Variants in ANO5 observed in about 807,000 individuals in gnomAD.
ANO5 encodes anoctamin-5.
Under a neutral mutation model 121.0 loss-of-function variants are expected in ANO5, and 109 were observed. That is an observed-to-expected ratio of 0.90 (90% CI 0.77 to 1.06). The LOEUF is 1.06. Ranked by LOEUF, ANO5 falls within the 50% of genes least tolerant of loss-of-function variation. ANO5 has a pLI of 0.00. For missense variants in ANO5, 1,064 were observed against 1,078.5 expected (o/e 0.99, Z 0.19); for synonymous variants, 406 against 359.9 (o/e 1.13, Z -1.45).
At chr11:22,232,676 T>C (rs1165983002) in intron 7 of ANO5, among the ~76,000 whole-genome samples, 1 of 152,036 alleles carries the variant, frequency 6.6e-6, no homozygotes, top group African/African-American at 2.4e-5. Context: ...TTGTGCCTTG[T>C]ACAAAATGTA....
In ANO5 at chr11:22,250,301, T is replaced by C. The variant is rs1276900571; in HGVS notation, c.943T>C (p.Phe315Leu). Residue 315 changes from phenylalanine (F) to leucine (L), a missense_variant, in exon 10 of 22, where the codon TTC (phenylalanine) becomes CTC (leucine). By Grantham distance (22) the Phe-to-Leu change is conservative. Coordinates refer to ENST00000324559, the MANE Select transcript of ANO5 (RefSeq NM_213599.3). ...TCTTGGATTTTACACAGAAATGCTA[T>C]TCTTTGCAGCTGTAGTTGGCTTAGC... ...VFLGFYTEML[F>L]FAAVVGLACF... 3 of 1,612,154 alleles carry C rather than the reference T, an allele frequency of 1.9e-6. No individual in the cohort carries two copies. In the African/African-American group the frequency reaches 4.0e-5, roughly 22 times the overall value.
intron 2 of ANO5, 123 bp downstream of exon 2, chr11:22,203,973 T>A: frequency 1.7e-6 from 1 of 603,416 alleles, no homozygotes; most frequent in Non-Finnish European, 2.8e-6. Flanking sequence ...AATTTATTCA[T>A]TTTTTAAGTA....
At chr11:22,270,261 C>A (rs140475600) in intron 17 of ANO5, 51 bp from the exon 18 acceptor site, 3 of 1,604,098 alleles carry the variant, frequency 1.9e-6, no homozygotes, top group South Asian at 1.1e-5. Context: ...ATTCTCTGAT[C>A]GCTTTCTTTT....
intron 17 of ANO5, among the ~76,000 whole-genome samples, chr11:22,263,386 C>T (rs1408328883): frequency 6.6e-6 from 1 of 152,084 alleles, no homozygotes; most frequent in Admixed American, 6.5e-5. Flanking sequence ...TTCACTGGGA[C>T]ATCTAAATGC....
chr11:22,257,072 GTTTTT>G (rs60615449), intron 13 of ANO5, among the ~76,000 whole-genome samples: 1,681 of 151,150 alleles, frequency 0.011, 42 homozygotes, highest in African/African-American at 0.039. Flanking sequence ...TGCTGACAGC[GTTTTT>G]TTTTTGTTTG....
rs1484420355 is a variant in ANO5, at chr11:22,228,504, TC to T, written c.648+919del. ...TTTCATTTTTTTGTGATGAGACCAT[TC>T]AAAAACCTCTCTTCTAGCTATTTTG... is the stretch of plus-strand genomic sequence containing the variant. On this transcript the variant is annotated intron_variant, in intron 7 of 21. Transcript: ENST00000324559. Among the ~76,000 whole-genome samples the T allele has an allele frequency of 2.0e-4, 31 of 152,096 alleles. No individual in the cohort carries two copies. In the East Asian group the frequency reaches 5.2e-3, roughly 26 times the overall value.
chr11:22,256,019 T>C (rs1424796541), intron 13 of ANO5, among the ~76,000 whole-genome samples: 1 of 152,174 alleles, frequency 6.6e-6, no homozygotes, highest in Non-Finnish European at 1.5e-5. Flanking sequence ...TTTATTAGAC[T>C]AACTTTTCTT....
At chr11:22,212,304 A>G (rs76259347) in intron 3 of ANO5, among the ~76,000 whole-genome samples, 1,664 of 152,004 alleles carry the variant, frequency 0.011, 42 homozygotes, top group African/African-American at 0.038. Context: ...AATATGAAAC[A>G]AAGTGTTTTC....
chr11:22,269,947 A>C, intron 17 of ANO5, among the ~76,000 whole-genome samples: 1 of 152,182 alleles, frequency 6.6e-6, no homozygotes, highest in East Asian at 1.9e-4. Context: ...AGTCAATTTC[A>C]TATTTGTTTG....
chr11:22,276,340 C>T (rs958914226), intron 21 of ANO5, 141 bp downstream of exon 21: 1 of 718,046 alleles, frequency 1.4e-6, no homozygotes, highest in Non-Finnish European at 2.5e-6. Flanking sequence ...TCATAAAAAG[C>T]ACCTTAGGGA....
intron 7 of ANO5, among the ~76,000 whole-genome samples, chr11:22,234,038 T>G (rs1198792550): frequency 6.6e-6 from 1 of 152,144 alleles, no homozygotes; most frequent in Non-Finnish European, 1.5e-5. Flanking sequence ...TTAAGGATCT[T>G]GATCCTACTT....
At position 22,258,859 on chromosome 11, in the gene ANO5, C is replaced by T. The variant is rs186153322; in HGVS notation, c.1408-660C>T. On this transcript the variant is annotated intron_variant, in intron 14 of 21. Transcript: ENST00000324559. The stretch of plus-strand genomic sequence containing the variant: ...TTTAGAAATGCAAAAGAAGGCTGGG[C>T]GCAGTGGCTCACGCCTGTAATCCCA... Among the ~76,000 whole-genome samples the T allele has an allele frequency of 7.9e-5, 12 of 152,172 alleles. No homozygotes were observed. In the East Asian group the frequency reaches 1.4e-3, roughly 17 times the overall value.
At chr11:22,254,661 TA>T (rs1390850230) in intron 12 of ANO5, among the ~76,000 whole-genome samples, 3 of 152,148 alleles carry the variant, frequency 2.0e-5, no homozygotes, top group Admixed American at 6.6e-5. Context: ...TGTAATGGAA[TA>T]TTTTTTATAT....
At chr11:22,265,843 A>G (rs1854341277) in intron 17 of ANO5, among the ~76,000 whole-genome samples, 1 of 152,154 alleles carries the variant, frequency 6.6e-6, no homozygotes, top group Non-Finnish European at 1.5e-5. Context: ...AAGGCTTACT[A>G]CAAACTATAT....
intron 13 of ANO5, among the ~76,000 whole-genome samples, chr11:22,255,907 T>G (rs1853987025): frequency 6.6e-6 from 1 of 152,162 alleles, no homozygotes; most frequent in South Asian, 2.1e-4. Flanking sequence ...GAAAATAATG[T>G]GTATGCTGTG....
At chr11:22,230,210 A>G (rs1178122163) in intron 7 of ANO5, among the ~76,000 whole-genome samples, 2 of 151,988 alleles carry the variant, frequency 1.3e-5, no homozygotes, top group Non-Finnish European at 2.9e-5. Flanking sequence ...AGCTTACACT[A>G]TCAATATGAG....
chr11:22,201,448 C>A (rs188966279), intron 1 of ANO5, among the ~76,000 whole-genome samples: 1 of 152,094 alleles, frequency 6.6e-6, no homozygotes, highest in Non-Finnish European at 1.5e-5. Context: ...GAAGGCTTCC[C>A]TGGGGAGAGA....
At chr11:22,244,923 A>G (rs7941608) in intron 9 of ANO5, among the ~76,000 whole-genome samples, 22,648 of 151,956 alleles carry the variant, frequency 0.15, 4,924 homozygotes, top group African/African-American at 0.48. Flanking sequence ...AGCTCATTTG[A>G]AGGTAAGGGG....
chr11:22,208,419 ATCTT>A (rs1852183594), intron 2 of ANO5, among the ~76,000 whole-genome samples: 1 of 152,056 alleles, frequency 6.6e-6, no homozygotes, highest in Non-Finnish European at 1.5e-5. Flanking sequence ...GTGGAAAAAA[ATCTT>A]AAAGGAACAC....
Sources: allele counts gnomAD v4.1 joint callset (sites outside exome capture counted in the v4.1 genomes callset), GRCh38; gene constraint gnomAD v4.1.1; transcripts MANE v1.5; gene names NCBI Gene and HGNC (gene_info 2026-07-23, HGNC 2026-07-21).